Variants in CEP290 observed in about 807,000 individuals in gnomAD.
CEP290 encodes centrosomal protein of 290 kDa.
In CEP290, 317 loss-of-function variants were observed where a neutral mutation model predicts 344.9. That is an observed-to-expected ratio of 0.92 (90% CI 0.84 to 1.01). CEP290 has a LOEUF of 1.01. CEP290 is among the 50% of genes least tolerant of loss of function. The pLI is 0.00. For missense variants in CEP290, 2,754 were observed against 2,761.4 expected (o/e 1.00, Z 0.06); for synonymous variants, 932 against 895.8 (o/e 1.04, Z -0.72).
At position 88,130,625 on chromosome 12, in the gene CEP290, A is replaced by G. The variant is rs571239684; in HGVS notation, c.496-60T>C. On this transcript the variant is annotated intron_variant, in intron 7 of 53. Transcript: ENST00000552810. ...TGAGAAAGGTAATACATAATTAAAA[A>G]TAATAATCAGAAACTAAAGAAAACA... The G allele has an allele frequency of 9.8e-5, 140 of 1,431,144 alleles. No homozygotes were observed. In the South Asian group the frequency reaches 2.1e-3, roughly 21 times the overall value. The allele number at this position is 1,431,144 out of a possible 1,614,324, so 88.7% of individuals were successfully genotyped here. A position where few individuals can be genotyped will look rare whatever the true frequency, so the allele number is the denominator to read the frequency against.
At position 88,054,141 on chromosome 12, in the gene CEP290, G is replaced by A. The variant is rs572634944; in HGVS notation, c.7034+199C>T. On this transcript the variant is annotated intron_variant, in intron 51 of 53. Coordinates refer to ENST00000552810, the MANE Select transcript of CEP290 (RefSeq NM_025114.4). ...AATTACAAACTGGAAACTTAGAGTT[G>A]GGTTTATCCTTTTTTTCTAGTGTGT... Among the ~76,000 whole-genome samples the A allele has an allele frequency of 1.1e-4, 17 of 152,148 alleles. No individual in the cohort carries two copies. The South Asian group carries it at 3.3e-3, about 30-fold the overall frequency.
intron 21 of CEP290, 74 bp downstream of exon 21, chr12:88,111,620 T>G (rs1247466629): frequency 7.7e-7 from 1 of 1,292,932 alleles, no homozygotes; most frequent in Admixed American, 3.0e-5. Context: ...GCATTCTTTT[T>G]AAAAAATTAA....
chr12:88,139,121 C>A (rs2040495366), intron 5 of CEP290, 24 bp downstream of exon 5: 2 of 1,138,454 alleles, frequency 1.8e-6, no homozygotes, highest in Non-Finnish European at 1.3e-6. Flanking sequence ...ACAATTACAT[C>A]CTAGGGAATA....
chr12:88,140,801 C>T (rs2040605800), intron 3 of CEP290, among the ~76,000 whole-genome samples, 155 bp downstream of exon 3: 1 of 152,160 alleles, frequency 6.6e-6, no homozygotes, highest in African/African-American at 2.4e-5. Flanking sequence ...ATGTTTTATA[C>T]ACTAAAATAC....
At chr12:88,092,180 T>C (rs574605731) in intron 29 of CEP290, among the ~76,000 whole-genome samples, 1 of 152,364 alleles carries the variant, frequency 6.6e-6, no homozygotes, top group Admixed American at 6.5e-5. Context: ...AGGTTAAGTA[T>C]AATTGTACAA....
Position 88,127,893 on chromosome 12 carries a change from C to T in CEP290, c.942+1053G>A, listed in dbSNP as rs75194074. 4.6e-3 allele frequency among the ~76,000 whole-genome samples: 694 copies of T among 152,158 alleles called. 2 individuals carry two copies. The highest frequency in any genetic ancestry group is 7.2e-3 in the Non-Finnish European group (487 of 67,986). ...CTTTAAAAAGAACAGCAATACTATA[C>T]GTACTGATATAAAATAATTATGAAA... On this transcript the variant is annotated intron_variant, in intron 11 of 53. Transcript: ENST00000552810.
rs2034347330 is a variant in CEP290 at position 88,060,037 on chromosome 12, CAAAAT to C, written c.6523-22_6523-18del. ...TAATTCAGCCTAGTAAAAAAACAAA[CAAAAT>C]AAAAAGTATACATTATCAAAACAAG... On this transcript the variant is annotated intron_variant, in intron 47 of 53. Transcript: ENST00000552810. The C allele has an allele frequency of 1.3e-6, 2 of 1,506,660 alleles. No homozygotes were observed. Among genetic ancestry groups the C allele is most frequent in the Non-Finnish European group, 8.9e-7 (1 of 1,127,354 alleles). The allele number at this position is 1,506,660 out of a possible 1,614,324, so 93.3% of individuals were successfully genotyped here.
intron 19 of CEP290, 82 bp from the exon 20 acceptor site, chr12:88,114,644 C>G: frequency 8.8e-7 from 1 of 1,133,708 alleles, no homozygotes; most frequent in East Asian, 2.9e-5. Flanking sequence ...AAATATTTCA[C>G]ATATACCAAA....
chr12:88,138,722 A>C (rs2040474644), intron 5 of CEP290, among the ~76,000 whole-genome samples: 1 of 152,202 alleles, frequency 6.6e-6, no homozygotes, highest in Admixed American at 6.5e-5. Context: ...CTCCTTTCAA[A>C]GGCTGATCCA....
rs758453953 is a variant in CEP290 at position 88,089,015 on chromosome 12, C to G, written c.4029+17G>C. 4 of 1,461,308 alleles carry G rather than the reference C, an allele frequency of 2.7e-6. No individual in the cohort carries two copies. In the South Asian group the frequency reaches 6.0e-5, roughly 22 times the overall value. The allele number at this position is 1,461,308 out of a possible 1,614,324, so 90.5% of individuals were successfully genotyped here. A position where few individuals can be genotyped will look rare whatever the true frequency, so the allele number is the denominator to read the frequency against. On this transcript the variant is annotated intron_variant, in intron 31 of 53. Transcript: ENST00000552810. ...GATACTGTCTCTTAAAAAAAAAAAT[C>G]AAGTTTAAATGTTTACCTTTTGGGC...
intron 13 of CEP290, among the ~76,000 whole-genome samples, chr12:88,122,140 G>T (rs1355805442): frequency 6.6e-6 from 1 of 152,102 alleles, no homozygotes; most frequent in Non-Finnish European, 1.5e-5. Flanking sequence ...GAGCACAGCT[G>T]TCTGGAGCTA....
In CEP290 at chr12:88,086,180, A is replaced by G. The variant is rs368961895; in HGVS notation, c.4303-7T>C. 2.5e-6 allele frequency: 4 copies of G among 1,603,460 alleles called. No homozygotes were observed. In the African/African-American group the frequency reaches 5.4e-5, roughly 22 times the overall value. On this transcript the variant is annotated splice_region_variant and splice_polypyrimidine_tract_variant and intron_variant, in intron 33 of 53. Transcript: ENST00000552810. Reference sequence around the variant, plus strand: ...ATCCTGTAGCTTCTTCAAACTATTAAGAAATAGTATGTTTTTTAAAAAAGC... The same window carrying G: ...ATCCTGTAGCTTCTTCAAACTATTAGGAAATAGTATGTTTTTTAAAAAAGC...
intron 13 of CEP290, among the ~76,000 whole-genome samples, chr12:88,124,831 AAGG>A (rs2039634631): frequency 2.0e-5 from 3 of 152,102 alleles, no homozygotes; most frequent in Admixed American, 1.3e-4. Context: ...GGCTCAGGGT[AAGG>A]AGAATATGAT....
Position 88,060,919 on chromosome 12 carries a change from G to T in CEP290, c.6433C>A (p.Gln2145Lys). 6.4e-7 allele frequency: 1 copy of T among 1,553,176 alleles called. No individual in the cohort carries two copies. The highest frequency in any genetic ancestry group is 1.4e-5 in the African/African-American group (1 of 73,360). Residue 2145 changes from glutamine (Q) to lysine (K), a missense_variant, in exon 47 of 54, where the codon CAG (glutamine) becomes AAG (lysine). By Grantham distance (53) the Gln-to-Lys change is moderately conservative. Transcript: ENST00000552810. ...GLMKKVVEKV[Q>K]RENEQLKKAS... ...TTTTTCAACTGTTCATTTTCTCTCT[G>T]GACTTTTTCAACTACTTTTTTCATT...
At chr12:88,126,538 A>G (rs976093180) in intron 11 of CEP290, 100 bp from the exon 12 acceptor site, 23 of 788,378 alleles carry the variant, frequency 2.9e-5, no homozygotes, top group Non-Finnish European at 3.7e-5. Context: ...TTTATGATAC[A>G]GAAAATAAAA....
intron 3 of CEP290, 112 bp from the exon 4 acceptor site, chr12:88,139,676 C>CTA: frequency 4.1e-6 from 3 of 738,818 alleles, no homozygotes; most frequent in Non-Finnish European, 5.9e-6. Flanking sequence ...ATGGCTGGCA[C>CTA]ATGGAGACGT....
At chr12:88,128,152 T>C (rs1221801267) in intron 11 of CEP290, among the ~76,000 whole-genome samples, 10 of 152,184 alleles carry the variant, frequency 6.6e-5, no homozygotes, top group Admixed American at 6.5e-4. Context: ...AGTTTAGTTA[T>C]AGCAGAGACC....
chr12:88,062,781 G>T lies in CEP290; in HGVS notation c.6271-3C>A. ...TCCTTCAAATCTCTGACTTGATTCT[G>T]AAAGATAACAAGCAAACATGTAATA... On this transcript the variant is annotated splice_polypyrimidine_tract_variant and splice_region_variant and intron_variant, in intron 45 of 53. Transcript: ENST00000552810. The T allele has an allele frequency of 6.5e-7, 1 of 1,544,842 alleles. No individual in the cohort carries two copies. The highest frequency in any genetic ancestry group is 8.8e-7 in the Non-Finnish European group (1 of 1,132,790).
At chr12:88,138,967 C>G (rs1054499138) in intron 5 of CEP290, among the ~76,000 whole-genome samples, 178 bp downstream of exon 5, 6 of 152,108 alleles carry the variant, frequency 3.9e-5, no homozygotes, top group African/African-American at 1.4e-4. Flanking sequence ...ACCATATGCT[C>G]AGTCCTTAGT....
Sources: gnomAD v4.1 joint callset for allele counts (sites outside exome capture counted in the v4.1 genomes callset) on GRCh38, gnomAD v4.1.1 for gene constraint, MANE v1.5 for transcripts, NCBI Gene and HGNC (gene_info 2026-07-23, HGNC 2026-07-21) for gene names.